Variants in JAKMIP1 observed in about 807,000 individuals in gnomAD.
JAKMIP1 encodes the protein janus kinase and microtubule-interacting protein 1.
Under a neutral mutation model 113.0 loss-of-function variants are expected in JAKMIP1, and 33 were observed. The ratio of observed to expected loss-of-function variants is 0.29; its 90% CI spans 0.22 to 0.39. JAKMIP1 has a LOEUF of 0.39. Among genes scored for constraint, JAKMIP1 ranks in the 10% least tolerant of loss-of-function variants. JAKMIP1 has a pLI of 1.00. For synonymous variants in JAKMIP1, 480 were observed against 459.9 expected, an observed-to-expected ratio of 1.04 and a Z score of -0.56; for missense variants, 813 against 1,080.5, an observed-to-expected ratio of 0.75 and a Z score of 3.47.
rs927833231 is a variant in JAKMIP1 at position 6,135,164 on chromosome 4, T to C, written c.-147-22167A>G. On this transcript the variant is annotated intron_variant, in intron 1 of 20. Coordinates refer to ENST00000409021, the MANE Select transcript of JAKMIP1 (RefSeq NM_001099433.2). This position sits in a 1 kb window ranked among gnomAD's most constrained non-coding sequence, Gnocchi z 4.9. ...GACTCGTGTCCCTCCAAAATTCTTA[T>C]GTTGAATCCCCAACCCCCAGCACCT... Among the ~76,000 whole-genome samples the C allele has an allele frequency of 6.6e-6, 1 of 152,138 alleles. No individual in the cohort carries two copies. The highest frequency in any genetic ancestry group is 1.5e-5 in the Non-Finnish European group (1 of 68,028).
In JAKMIP1 at chr4:6,050,505, C is replaced by A; in HGVS notation, c.1908+73G>T. 9.9e-7 allele frequency: 1 copy of A among 1,012,682 alleles called. No homozygotes were observed. The highest frequency in any genetic ancestry group is 1.5e-6 in the Non-Finnish European group (1 of 669,886). 62.7% of individuals were successfully genotyped at this position (1,012,682 alleles called of 1,614,324 possible). On this transcript the variant is annotated intron_variant, in intron 14 of 20. Transcript: ENST00000409021. This position sits in a 1 kb window ranked among gnomAD's most constrained non-coding sequence, Gnocchi z 7.4. ...AAATCAATTCTATCCCAGCACTCCC[C>A]CTTTGCAGCTGAGCCGGGCACTGAG...
rs1318706023 is a variant in JAKMIP1, at chr4:6,182,013, T to C, written c.-148+18240A>G. 5.3e-5 allele frequency among the ~76,000 whole-genome samples: 8 copies of C among 152,102 alleles called. No homozygotes were observed. The East Asian group carries it at 1.5e-3, about 29-fold the overall frequency. On this transcript the variant is annotated intron_variant, in intron 1 of 20. Transcript: ENST00000409021. Reference sequence around the variant, plus strand: ...GATTCAATAAGGTAAGGGACAGTGTTATGGAGTGAATGTTTATGTCCCCCC... The same window carrying C: ...GATTCAATAAGGTAAGGGACAGTGTCATGGAGTGAATGTTTATGTCCCCCC...
intron 19 of JAKMIP1, among the ~76,000 whole-genome samples, chr4:6,033,718 T>C (rs149073091): frequency 3.7e-4 from 57 of 152,288 alleles, no homozygotes; most frequent in African/African-American, 1.3e-3. Context: ...ATATATAAAC[T>C]TTAAAACGTT....
chr4:6,032,182 G>T (rs1560622587), intron 19 of JAKMIP1, among the ~76,000 whole-genome samples: 7 of 152,228 alleles, frequency 4.6e-5, no homozygotes, highest in Admixed American at 3.9e-4. Context: ...CACCGAGGGT[G>T]AAATGGGATC....
At chr4:6,079,046 A>C in intron 7 of JAKMIP1, 48 bp from the exon 8 acceptor site, 826 of 1,584,346 alleles carry the variant, frequency 5.2e-4, no homozygotes, top group Non-Finnish European at 6.5e-4. Flanking sequence ...CTCACATCTC[A>C]CAAACCAAAG....
rs749611537 is a variant in JAKMIP1, at chr4:6,059,963, G to A, written c.1644+461C>T. On this transcript the variant is annotated intron_variant, in intron 11 of 20. Transcript: ENST00000409021. This position sits in a 1 kb window ranked among gnomAD's most constrained non-coding sequence, Gnocchi z 4.8. Reference sequence around the variant, plus strand: ...AATCAAATGCAGTGGATGGGTAGGTGCAGTTGACTCTAACCTGAGCAGCAC... The same window carrying A: ...AATCAAATGCAGTGGATGGGTAGGTACAGTTGACTCTAACCTGAGCAGCAC... 3.3e-5 allele frequency among the ~76,000 whole-genome samples: 5 copies of A among 152,172 alleles called. No individual in the cohort carries two copies. Among genetic ancestry groups the A allele is most frequent in the Non-Finnish European group, 7.3e-5 (5 of 68,030 alleles).
intron 1 of JAKMIP1, among the ~76,000 whole-genome samples, chr4:6,152,588 C>T (rs906069368): frequency 1.3e-5 from 2 of 152,062 alleles, no homozygotes; most frequent in African/African-American, 4.8e-5. Context: ...AACACTAGTT[C>T]TTTGATCCCA....
intron 11 of JAKMIP1, among the ~76,000 whole-genome samples, chr4:6,057,621 C>T (rs1045746872): frequency 2.0e-5 from 3 of 152,230 alleles, no homozygotes; most frequent in African/African-American, 7.2e-5. Flanking sequence ...AGTGGCTGTG[C>T]TCCACCCACC....
At chr4:6,114,237 G>T (rs1033056021) in intron 1 of JAKMIP1, among the ~76,000 whole-genome samples, 2 of 152,186 alleles carry the variant, frequency 1.3e-5, no homozygotes, top group African/African-American at 2.4e-5. Context: ...GACAAAATTG[G>T]CAAGGAAGGC....
chr4:6,081,821 G>A lies in JAKMIP1; in HGVS notation c.955-66C>T, dbSNP rs553791666. The A allele has an allele frequency of 3.8e-5, 60 of 1,586,692 alleles. No individual in the cohort carries two copies. In the Middle Eastern group the frequency reaches 5.1e-4, roughly 13 times the overall value. ...GACGGACGGCCGAGGTCACAGCACC[G>A]AGGTGAGCAGAGACTCAACCCAGTT... is the stretch of plus-strand genomic sequence containing the variant. On this transcript the variant is annotated intron_variant, in intron 5 of 20. Coordinates refer to ENST00000409021, the MANE Select transcript of JAKMIP1 (RefSeq NM_001099433.2). The surrounding 1 kb of genome is among the most constrained non-coding windows in gnomAD (Gnocchi z 4.6).
chr4:6,080,193 G>A lies in JAKMIP1; in HGVS notation c.1221C>T (p.His407=), dbSNP rs574311251. The change falls in exon 7 of 21, where the codon CAC becomes CAT. Residue 407 remains histidine (H), a synonymous_variant. Coordinates refer to ENST00000409021, the MANE Select transcript of JAKMIP1 (RefSeq NM_001099433.2). This position sits in a 1 kb window ranked among gnomAD's most constrained non-coding sequence, Gnocchi z 6.0. ...GTACCAGTGAGAGGTCGTCAATGAC[G>A]TGCTGCTGCTCCAGCACCTGCAGCC... ...FLRLQVLEQQ[H]VIDDLSLERE... is the part of the protein sequence containing the mutation. 4.0e-5 allele frequency: 64 copies of A among 1,612,388 alleles called. No homozygotes were observed. In the South Asian group the frequency reaches 4.3e-4, roughly 11 times the overall value.
At position 6,080,779 on chromosome 4, in the gene JAKMIP1, A is replaced by T. The variant is rs1311500988; in HGVS notation, c.1102-467T>A. Among the ~76,000 whole-genome samples the T allele has an allele frequency of 6.6e-6, 1 of 152,080 alleles. No individual in the cohort carries two copies. The highest frequency in any genetic ancestry group is 1.5e-5 in the Non-Finnish European group (1 of 68,022). ...CAGGTATGCCTTTATCAGCAGTGTGAAAATGGACTAATACGTGGCCACCTT... is the reference window on the plus strand; with the variant it reads ...CAGGTATGCCTTTATCAGCAGTGTGTAAATGGACTAATACGTGGCCACCTT... On this transcript the variant is annotated intron_variant, in intron 6 of 20. Transcript: ENST00000409021. This position sits in a 1 kb window ranked among gnomAD's most constrained non-coding sequence, Gnocchi z 6.0.
intron 20 of JAKMIP1, among the ~76,000 whole-genome samples, chr4:6,027,261 C>CA (rs569587121): frequency 3.1e-4 from 47 of 152,256 alleles, no homozygotes; most frequent in Non-Finnish European, 5.3e-4. Flanking sequence ...TTCTCCCCCC[C>CA]AAAACAAGGT....
intron 3 of JAKMIP1, among the ~76,000 whole-genome samples, chr4:6,085,963 C>T (rs1721233836): frequency 6.6e-6 from 1 of 152,164 alleles, no homozygotes; most frequent in African/African-American, 2.4e-5. Context: ...CTCTGCAGCT[C>T]AGCTTCTTGG....
At chr4:6,085,145 A>G (rs1398549096) in intron 4 of JAKMIP1, among the ~76,000 whole-genome samples, 180 bp from the exon 5 acceptor site, 1 of 152,042 alleles carries the variant, frequency 6.6e-6, no homozygotes, top group African/African-American at 2.4e-5. Flanking sequence ...GGAAGACTCC[A>G]TCTAGACGGC....
rs979372189 is a variant in JAKMIP1, at chr4:6,200,511, T to A, written c.-406A>T. 4.0e-5 allele frequency: 6 copies of A among 150,464 alleles called. No individual in the cohort carries two copies. Among genetic ancestry groups the A allele is most frequent in the Admixed American group, 3.3e-4 (5 of 15,138 alleles). 9.3% of individuals were successfully genotyped at this position (150,464 alleles called of 1,614,324 possible). A position where few individuals can be genotyped will look rare whatever the true frequency, so the allele number is the denominator to read the frequency against. ...GAGGCCGCGGCACTGGTGGCCGCGA[T>A]CCGGGCAGGCGGCCGGCGCGTGCCG... On this transcript the variant is annotated 5_prime_UTR_variant, in exon 1 of 21. Coordinates refer to ENST00000409021, the MANE Select transcript of JAKMIP1 (RefSeq NM_001099433.2). This position sits in a 1 kb window ranked among gnomAD's most constrained non-coding sequence, Gnocchi z 7.0.
chr4:6,111,902 C>T (rs1714998369), intron 2 of JAKMIP1, among the ~76,000 whole-genome samples: 1 of 152,220 alleles, frequency 6.6e-6, no homozygotes, highest in Non-Finnish European at 1.5e-5. Context: ...CTTACAAGAC[C>T]TCATGGCAGC....
chr4:6,119,363 G>A (rs975956515), intron 1 of JAKMIP1, among the ~76,000 whole-genome samples: 1 of 152,086 alleles, frequency 6.6e-6, no homozygotes, highest in Non-Finnish European at 1.5e-5. Context: ...GACCCAACAT[G>A]AAGAAACCCC....
At chr4:6,087,875 C>G (rs536778131) in intron 3 of JAKMIP1, among the ~76,000 whole-genome samples, 2 of 152,214 alleles carry the variant, frequency 1.3e-5, no homozygotes, top group South Asian at 4.2e-4. Flanking sequence ...CTGAATGTGC[C>G]CACTGCTCCC....
Sources: allele counts gnomAD v4.1 joint callset (sites outside exome capture counted in the v4.1 genomes callset), GRCh38; gene constraint gnomAD v4.1.1; non-coding constraint Gnocchi (gnomAD v3.1); transcripts MANE v1.5; gene names NCBI Gene and HGNC (gene_info 2026-07-23, HGNC 2026-07-21).